The following SH3BP2 variants were observed in gnomAD, a reference collection of about 807,000 sequenced individuals.
SH3BP2 encodes SH3 domain binding protein 2, also known as SH3 domain-binding protein 2.
A neutral mutation model predicts 56.2 loss-of-function variants in SH3BP2; 38 were observed. The ratio of observed to expected loss-of-function variants is 0.68; its 90% CI spans 0.52 to 0.89. The LOEUF is 0.89. Among genes scored for constraint, SH3BP2 ranks in the 40% least tolerant of loss-of-function variants. The pLI, the probability that SH3BP2 is intolerant of heterozygous loss-of-function variation, is 0.00. For missense variants in SH3BP2, 748 were observed against 762.6 expected, an observed-to-expected ratio of 0.98 and a Z score of 0.23; for synonymous variants, 346 against 316.7, an observed-to-expected ratio of 1.09 and a Z score of -0.98.
At chr4:2,832,773 T>C (rs746944043) in intron 11 of SH3BP2, among the ~76,000 whole-genome samples, 1 of 152,124 alleles carries the variant, frequency 6.6e-6, no homozygotes, top group African/African-American at 2.4e-5. Flanking sequence ...GGAGTGGTTA[T>C]TGGTGGTTAT....
chr4:2,829,686 C>T lies in SH3BP2; in HGVS notation c.780C>T (p.Cys260=), dbSNP rs1430168090. The change falls in exon 8 of 13, where the codon TGC becomes TGT. Residue 260 remains cysteine (C), a synonymous_variant. Transcript: ENST00000503393. The surrounding 1 kb of genome is among the most constrained non-coding windows in gnomAD (Gnocchi z 4.9). ...AGGACTCCAAGAGGGACCCACTGTG[C>T]CCGAGGCGGGCTGAGCCTTGCCCCA... The part of the protein sequence containing the change: ...AAEDSKRDPL[C]PRRAEPCPRV... 2 of 1,613,066 alleles carry T rather than the reference C, an allele frequency of 1.2e-6. No homozygotes were observed. The highest frequency in any genetic ancestry group is 1.7e-6 in the Non-Finnish European group (2 of 1,179,848).
intron 1 of SH3BP2, chr4:2,809,971 C>T (rs904045514): frequency 4.7e-6 from 1 of 214,310 alleles, no homozygotes; most frequent in African/African-American, 2.3e-5. Context: ...CCCGGCCATG[C>T]CCCGCTGCAC....
chr4:2,834,025 G>A lies in SH3BP2; in HGVS notation c.*191G>A, dbSNP rs971035540. ...GTTGGGTTCTAGGGCTGAACCAGGCGCCAGGCTCCAGAGGACGAAGGGACT... is the reference window on the plus strand; with the variant it reads ...GTTGGGTTCTAGGGCTGAACCAGGCACCAGGCTCCAGAGGACGAAGGGACT... On this transcript the variant is annotated 3_prime_UTR_variant, in exon 13 of 13. Transcript: ENST00000503393. 16 of 660,312 alleles carry A rather than the reference G, an allele frequency of 2.4e-5. No homozygotes were observed. The highest frequency in any genetic ancestry group is 1.1e-4 in the East Asian group (4 of 36,276). 40.9% of individuals were successfully genotyped at this position (660,312 alleles called of 1,614,324 possible). A position where few individuals can be genotyped will look rare whatever the true frequency, so the allele number is the denominator to read the frequency against.
rs939376380 is a variant in SH3BP2, at chr4:2,832,912, T to C, written c.1489-78T>C. On this transcript the variant is annotated intron_variant, in intron 11 of 12. Coordinates refer to ENST00000503393, the MANE Select transcript of SH3BP2 (RefSeq NM_001122681.2). ...CCCAGCCTTGATGGTTCTGCCCCCCTATCCCCAGCCCATGGTCTCCCGAGG... is the reference window on the plus strand; with the variant it reads ...CCCAGCCTTGATGGTTCTGCCCCCCCATCCCCAGCCCATGGTCTCCCGAGG... 2.7e-5 allele frequency: 39 copies of C among 1,438,364 alleles called. 1 individual carries two copies. The highest frequency in any genetic ancestry group is 6.8e-5 in the East Asian group (3 of 44,006). The allele number at this position is 1,438,364 out of a possible 1,614,324, so 89.1% of individuals were successfully genotyped here. A position where few individuals can be genotyped will look rare whatever the true frequency, so the allele number is the denominator to read the frequency against.
intron 3 of SH3BP2, among the ~76,000 whole-genome samples, chr4:2,823,967 G>A (rs570047869): frequency 1.4e-3 from 211 of 152,346 alleles, no homozygotes; most frequent in Non-Finnish European, 2.4e-3. Context: ...GCGCCTTCCG[G>A]CCTCCAGCAT....
chr4:2,806,878 A>G (rs539894171), intron 1 of SH3BP2, among the ~76,000 whole-genome samples: 9 of 152,398 alleles, frequency 5.9e-5, no homozygotes, highest in African/African-American at 2.2e-4. Context: ...CTCTGAGGAC[A>G]GAGCTTGAGG....
At chr4:2,807,969 C>T (rs986837361) in intron 1 of SH3BP2, among the ~76,000 whole-genome samples, 2 of 152,192 alleles carry the variant, frequency 1.3e-5, no homozygotes, top group Admixed American at 1.3e-4. Context: ...CCCTGACAGG[C>T]ACGCCCACAC....
In SH3BP2 at chr4:2,820,698, G is replaced by T. The variant is rs745515987; in HGVS notation, c.81G>T (p.Val27=). 1 of 1,614,136 alleles carries T rather than the reference G, an allele frequency of 6.2e-7. No homozygotes were observed. Among genetic ancestry groups the T allele is most frequent in the Non-Finnish European group, 8.5e-7 (1 of 1,179,960 alleles). ...AQNLLTMPGG[V]AKAGYLHKKG... ...ACCTGCTAACCATGCCTGGGGGCGT[G>T]GCCAAGGCTGGCTACCTGCACAAGA... Residue 27 remains valine (V), a synonymous_variant, in exon 2 of 13, where the codon GTG becomes GTT. Transcript: ENST00000503393.
At position 2,840,666 on chromosome 4, in the gene SH3BP2, T is replaced by C. The variant is rs1177617303; in HGVS notation, c.*6832T>C. The stretch of plus-strand genomic sequence containing the variant: ...TTTTCTTCTTTGAGAGTGTCTTGAC[T>C]ATTCTGGCTCTTTGTATTTTCATGT... On this transcript the variant is annotated 3_prime_UTR_variant, in exon 13 of 13. Coordinates refer to ENST00000503393, the MANE Select transcript of SH3BP2 (RefSeq NM_001122681.2). The C allele has an allele frequency of 6.6e-6, 1 of 152,250 alleles. No homozygotes were observed. The highest frequency in any genetic ancestry group is 2.4e-5 in the African/African-American group (1 of 41,456). The allele number at this position is 152,250 out of a possible 1,614,324, so 9.4% of individuals were successfully genotyped here.
intron 1 of SH3BP2, among the ~76,000 whole-genome samples, chr4:2,806,100 G>A (rs1024880398): frequency 1.3e-5 from 2 of 152,230 alleles, no homozygotes; most frequent in Non-Finnish European, 2.9e-5. Context: ...TGGGCCACAG[G>A]CCAGGAGGAG....
At position 2,831,001 on chromosome 4, in the gene SH3BP2, G is replaced by A. The variant is rs1724954746; in HGVS notation, c.1242-570G>A. Among the ~76,000 whole-genome samples, 1 of 152,238 alleles carries A rather than the reference G, an allele frequency of 6.6e-6. No individual in the cohort carries two copies. Among genetic ancestry groups the A allele is most frequent in the African/African-American group, 2.4e-5 (1 of 41,468 alleles). On this transcript the variant is annotated intron_variant, in intron 8 of 12. Transcript: ENST00000503393. This position sits in a 1 kb window ranked among gnomAD's most constrained non-coding sequence, Gnocchi z 4.1. ...AAGGGCTGCAGAGATGCAGATGTTC[G>A]GAAGTCACGTTTTTCCATGACTGTG...
intron 12 of SH3BP2, 49 bp from the exon 13 acceptor site, chr4:2,833,648 C>T (rs753744999): frequency 1.1e-5 from 18 of 1,585,148 alleles, no homozygotes; most frequent in African/African-American, 9.4e-5. Context: ...GGCCTAGAGC[C>T]GCAGAGTGGC....
chr4:2,802,023 G>A (rs984472159), intron 1 of SH3BP2, among the ~76,000 whole-genome samples: 7 of 152,180 alleles, frequency 4.6e-5, no homozygotes, highest in African/African-American at 1.7e-4. Flanking sequence ...CGTGAGAATT[G>A]CTTGAAACTG....
Position 2,812,475 on chromosome 4 carries a change from C to T in SH3BP2, c.-4-8139C>T, listed in dbSNP as rs754278799. The stretch of plus-strand genomic sequence containing the variant: ...GGGCCATGTGTTGGGTCAGCACCAT[C>T]AGGTCAGTGGGGCGGCCCCAGGACT... On this transcript the variant is annotated intron_variant, in intron 1 of 12. Transcript: ENST00000503393. 8 of 1,549,864 alleles carry T rather than the reference C, an allele frequency of 5.2e-6. No homozygotes were observed. The Admixed American group carries it at 1.2e-4, about 23-fold the overall frequency.
At chr4:2,820,427 G>A (rs1240024643) in intron 1 of SH3BP2, among the ~76,000 whole-genome samples, 187 bp from the exon 2 acceptor site, 4 of 152,150 alleles carry the variant, frequency 2.6e-5, no homozygotes, top group South Asian at 2.1e-4. Context: ...AGTGGAGCCC[G>A]TGGCTCTGTC....
intron 7 of SH3BP2, among the ~76,000 whole-genome samples, chr4:2,828,350 G>A (rs1185643422): frequency 6.6e-6 from 1 of 151,796 alleles, no homozygotes; most frequent in Admixed American, 6.6e-5. Flanking sequence ...GGCCTCTGCC[G>A]ACCCCAGCCC....
intron 11 of SH3BP2, 62 bp from the exon 12 acceptor site, chr4:2,832,928 T>G: frequency 6.6e-7 from 1 of 1,522,012 alleles, no homozygotes. Flanking sequence ...CAGCCCATGG[T>G]CTCCCGAGGC....
At chr4:2,805,140 C>G (rs6600770) in intron 1 of SH3BP2, among the ~76,000 whole-genome samples, 43,879 of 152,194 alleles carry the variant, frequency 0.29, 7,379 homozygotes, top group African/African-American at 0.47. Flanking sequence ...TGGCGGGAGC[C>G]CTCTGCTTCT....
Position 2,831,867 on chromosome 4 carries a change from T to C in SH3BP2, c.1351-56T>C. 1 of 1,574,352 alleles carries C rather than the reference T, an allele frequency of 6.4e-7. No homozygotes were observed. The highest frequency in any genetic ancestry group is 8.7e-7 in the Non-Finnish European group (1 of 1,149,436). Reference sequence around the variant, plus strand: ...CACCGGGTGGCCACCGTCCGGGGAGTGGTGGTGCGGGTGGATCACTCCGAC... The same window carrying C: ...CACCGGGTGGCCACCGTCCGGGGAGCGGTGGTGCGGGTGGATCACTCCGAC... On this transcript the variant is annotated intron_variant, in intron 9 of 12. Coordinates refer to ENST00000503393, the MANE Select transcript of SH3BP2 (RefSeq NM_001122681.2). The surrounding 1 kb of genome is among the most constrained non-coding windows in gnomAD (Gnocchi z 4.1).
Sources: allele counts gnomAD v4.1 joint callset (sites outside exome capture counted in the v4.1 genomes callset), GRCh38; gene constraint gnomAD v4.1.1; non-coding constraint Gnocchi (gnomAD v3.1); transcripts MANE v1.5; gene names NCBI Gene and HGNC (gene_info 2026-07-23, HGNC 2026-07-21).